The following TGM2 variants were observed in gnomAD, a reference collection of about 807,000 sequenced individuals.
TGM2 encodes protein-glutamine gamma-glutamyltransferase 2.
In TGM2, 53 loss-of-function variants were observed where a neutral mutation model predicts 75.6. That is an observed-to-expected ratio of 0.70 (90% CI 0.56 to 0.88). The LOEUF is 0.88. TGM2 is among the 40% of genes least tolerant of loss of function. TGM2 has a pLI of 0.00. For synonymous variants in TGM2, 374 were observed against 381.1 expected (o/e 0.98, Z 0.22); for missense variants, 842 against 928.5 (o/e 0.91, Z 1.21).
intron 1 of TGM2, 111 bp downstream of exon 1, chr20:38,165,078 G>A (rs2075296654): frequency 3.3e-6 from 5 of 1,526,688 alleles, no homozygotes; most frequent in Non-Finnish European, 4.5e-6. Flanking sequence ...CACCCAGCCC[G>A]GTCTGCCTGT....
At chr20:38,136,751 G>A (rs1364053661) in intron 10 of TGM2, among the ~76,000 whole-genome samples, 1 of 152,190 alleles carries the variant, frequency 6.6e-6, no homozygotes, top group Non-Finnish European at 1.5e-5. Flanking sequence ...AAGTGGGATG[G>A]GGCTGCTGGG....
At position 38,127,389 on chromosome 20, in the gene TGM2, A is replaced by C. The variant is rs2074777784; in HGVS notation, c.*2830T>G. On this transcript the variant is annotated 3_prime_UTR_variant, in exon 13 of 13. Coordinates refer to ENST00000361475, the MANE Select transcript of TGM2 (RefSeq NM_004613.4). ...AAGGATTCGGCACCCAGAACACGTG[A>C]TGTCATGTTTTTATTTTGATTTATT... 1 of 985,034 alleles carries C rather than the reference A, an allele frequency of 1.0e-6. No homozygotes were observed. The highest frequency in any genetic ancestry group is 1.2e-6 in the Non-Finnish European group (1 of 829,596). The allele number at this position is 985,034 out of a possible 1,614,324, so 61.0% of individuals were successfully genotyped here.
intron 4 of TGM2, 69 bp downstream of exon 4, chr20:38,150,870 C>T: frequency 1.7e-6 from 2 of 1,208,118 alleles, no homozygotes; most frequent in Admixed American, 1.7e-5. Flanking sequence ...GCTTTGGCTG[C>T]CCCCAGACAC....
At chr20:38,136,054 C>T (rs909168403) in intron 10 of TGM2, among the ~76,000 whole-genome samples, 1 of 152,226 alleles carries the variant, frequency 6.6e-6, no homozygotes, top group African/African-American at 2.4e-5. Flanking sequence ...CGGGAAATGT[C>T]TTTCAACAGC....
chr20:38,153,920 G>A (rs1183028919), intron 3 of TGM2, among the ~76,000 whole-genome samples: 1 of 152,144 alleles, frequency 6.6e-6, no homozygotes, highest in African/African-American at 2.4e-5. Flanking sequence ...GGACTCAAGC[G>A]ATCCTCCCAC....
At chr20:38,140,950 T>C (rs2074964394) in intron 8 of TGM2, among the ~76,000 whole-genome samples, 1 of 152,172 alleles carries the variant, frequency 6.6e-6, no homozygotes. Context: ...AACACACACA[T>C]ATACACCCGC....
At chr20:38,144,318 T>G (rs752772542) in intron 6 of TGM2, among the ~76,000 whole-genome samples, 1 of 152,142 alleles carries the variant, frequency 6.6e-6, no homozygotes, top group African/African-American at 2.4e-5. Context: ...TAGCAGCTTG[T>G]GGGGATTTGT....
At chr20:38,140,245 T>C (rs1600489494) in intron 8 of TGM2, among the ~76,000 whole-genome samples, 1 of 152,258 alleles carries the variant, frequency 6.6e-6, no homozygotes, top group Non-Finnish European at 1.5e-5. Context: ...AGACTTCCAA[T>C]GCTGAGGACT....
chr20:38,143,656 C>T (rs912011235), intron 6 of TGM2, among the ~76,000 whole-genome samples: 19 of 152,178 alleles, frequency 1.2e-4, no homozygotes, highest in Admixed American at 5.2e-4. Flanking sequence ...ATTATGGGTG[C>T]TTTTACTCTC....
chr20:38,154,620 C>T (rs187039846), intron 3 of TGM2, among the ~76,000 whole-genome samples: 63 of 152,292 alleles, frequency 4.1e-4, no homozygotes, highest in African/African-American at 1.5e-3. Context: ...CTCTGAGCCT[C>T]AGTTTCCTGT....
chr20:38,148,839 A>G lies in TGM2; in HGVS notation c.553-750T>C, dbSNP rs559456107. Among the ~76,000 whole-genome samples the G allele has an allele frequency of 3.3e-5, 5 of 152,172 alleles. No homozygotes were observed. In the East Asian group the frequency reaches 9.7e-4, roughly 29 times the overall value. Reference sequence around the variant, plus strand: ...TTGCCATTCAAATGTCATCTTTCTCAAAAGCAGGACCCCTTCTTGCCACCT... The same window carrying G: ...TTGCCATTCAAATGTCATCTTTCTCGAAAGCAGGACCCCTTCTTGCCACCT... On this transcript the variant is annotated intron_variant, in intron 4 of 12. Transcript: ENST00000361475.
chr20:38,138,376 T>G lies in TGM2; in HGVS notation c.1352A>C (p.Glu451Ala), dbSNP rs777482943. The change falls in exon 10 of 13, where the codon GAG becomes GCG. Residue 451 changes from glutamate to alanine, a missense_variant. Transcript: ENST00000361475. ...CGCCCTTGTGAAGGCCTCCCTCTCC[T>G]CTGAGGACCCTGTAGGGGTTGAGAA... ...HTYKYPEGSS[E>A]EREAFTRANH... 7.4e-6 allele frequency: 12 copies of G among 1,613,810 alleles called. No homozygotes were observed. Among genetic ancestry groups the G allele is most frequent in the Non-Finnish European group, 1.0e-5 (12 of 1,180,028 alleles).
intron 2 of TGM2, among the ~76,000 whole-genome samples, chr20:38,158,864 G>C (rs555617009): frequency 2.6e-5 from 4 of 152,310 alleles, no homozygotes; most frequent in Admixed American, 2.6e-4. Context: ...GCTGACCCAG[G>C]CCAGGCCTGG....
chr20:38,130,083 A>G lies in TGM2; in HGVS notation c.*136T>C, dbSNP rs1373016514. ...CTGAGATGGGCCAGGGGCACATTCCATTTCCGAGAGCCCCCATAGGCTGCC... is the reference window on the plus strand; with the variant it reads ...CTGAGATGGGCCAGGGGCACATTCCGTTTCCGAGAGCCCCCATAGGCTGCC... On this transcript the variant is annotated 3_prime_UTR_variant, in exon 13 of 13. Coordinates refer to ENST00000361475, the MANE Select transcript of TGM2 (RefSeq NM_004613.4). 1 of 1,215,740 alleles carries G rather than the reference A, an allele frequency of 8.2e-7. No homozygotes were observed. Among genetic ancestry groups the G allele is most frequent in the Non-Finnish European group, 1.2e-6 (1 of 869,220 alleles). 75.3% of individuals were successfully genotyped at this position (1,215,740 alleles called of 1,614,324 possible).
At chr20:38,131,491 G>A (rs1449885078) in intron 11 of TGM2, among the ~76,000 whole-genome samples, 1 of 152,028 alleles carries the variant, frequency 6.6e-6, no homozygotes, top group Non-Finnish European at 1.5e-5. Flanking sequence ...TTGTCCCAGG[G>A]TCTGGAGGGG....
intron 2 of TGM2, among the ~76,000 whole-genome samples, chr20:38,160,523 T>C (rs2075240958): frequency 6.6e-6 from 1 of 152,192 alleles, no homozygotes; most frequent in African/African-American, 2.4e-5. Flanking sequence ...GGCTTTCAGA[T>C]GATGAAACCT....
At chr20:38,132,655 C>T (rs41274712) in intron 10 of TGM2, 155 bp from the exon 11 acceptor site, 136,235 of 1,026,896 alleles carry the variant, frequency 0.13, 10,160 homozygotes, top group Non-Finnish European at 0.16. Context: ...ACTGTGGCTC[C>T]AGGGTTCCCA....
chr20:38,140,071 G>C (rs1392988849), intron 8 of TGM2, among the ~76,000 whole-genome samples: 1 of 152,256 alleles, frequency 6.6e-6, no homozygotes, highest in Non-Finnish European at 1.5e-5. Context: ...CCAAGGACAG[G>C]CAACATGTTA....
intron 6 of TGM2, among the ~76,000 whole-genome samples, chr20:38,144,629 T>C (rs950696537): frequency 1.3e-5 from 2 of 152,192 alleles, no homozygotes; most frequent in Non-Finnish European, 1.5e-5. Flanking sequence ...TCAGTCACCA[T>C]TGTCTCCATT....
Sources: gnomAD v4.1 joint callset for allele counts (sites outside exome capture counted in the v4.1 genomes callset) on GRCh38, gnomAD v4.1.1 for gene constraint, MANE v1.5 for transcripts, NCBI Gene and HGNC (gene_info 2026-07-23, HGNC 2026-07-21) for gene names.